SALL4: variants seen among roughly 807,000 people sequenced by gnomAD.
SALL4 encodes spalt like transcription factor 4.
In SALL4, 4 loss-of-function variants were observed where a neutral mutation model predicts 60.8. The ratio of observed to expected loss-of-function variants is 0.07; its 90% CI spans 0.03 to 0.15. The LOEUF (loss-of-function observed/expected upper bound fraction) is 0.15. Among genes scored for constraint, SALL4 ranks in the 10% least tolerant of loss-of-function variants. SALL4 has a pLI of 1.00. For synonymous variants in SALL4, 580 were observed against 574.9 expected, an observed-to-expected ratio of 1.01 and a Z score of -0.13; for missense variants, 1,178 against 1,394.7, an observed-to-expected ratio of 0.84 and a Z score of 2.48.
Position 51,788,805 on chromosome 20 carries a change from A to C in SALL4, c.2742+56T>G. 1.2e-6 allele frequency: 2 copies of C among 1,606,286 alleles called. No homozygotes were observed. Among genetic ancestry groups the C allele is most frequent in the Non-Finnish European group, 8.5e-7 (1 of 1,178,298 alleles). On this transcript the variant is annotated intron_variant, in intron 3 of 3. Transcript: ENST00000217086. This position sits in a 1 kb window ranked among gnomAD's most constrained non-coding sequence, Gnocchi z 4.1. ...GAAGAACTCATCACGGCTTGTGCCA[A>C]TAAGAAGACACCTGGTGCCTAGCCC...
intron 1 of SALL4, chr20:51,792,965 C>T: frequency 2.0e-6 from 2 of 991,860 alleles, no homozygotes; most frequent in Non-Finnish European, 2.4e-6. Flanking sequence ...ATCTCAGACC[C>T]AGCAGCTAAG....
Position 51,790,785 on chromosome 20 carries a change from G to A in SALL4, c.1698C>T (p.Asn566=), listed in dbSNP as rs774733955. The A allele has an allele frequency of 1.7e-5, 27 of 1,614,002 alleles. No individual in the cohort carries two copies. In the East Asian group the frequency reaches 4.9e-4, roughly 29 times the overall value. The change falls in exon 2 of 4, where the codon AAC becomes AAT. Residue 566 remains asparagine, a synonymous_variant. Coordinates refer to ENST00000217086, the MANE Select transcript of SALL4 (RefSeq NM_020436.5). This position sits in a 1 kb window ranked among gnomAD's most constrained non-coding sequence, Gnocchi z 5.5. ...AGACTCGGTGGCAAATGAGACATTC[G>A]TTGGGATCAGTGGTGGCCTTGTCAA... is the stretch of plus-strand genomic sequence containing the variant. ...ENIDKATTDP[N]ECLICHRVLS...
rs1172568837 is a variant in SALL4 at position 51,783,397 on chromosome 20, GT to G, written c.*867del. ...GCAGTTTTATAATTCTACAACCCTAGTTTTTTGTTGTTCCTTTTTTAAGTAC... is the reference window on the plus strand; with the variant it reads ...GCAGTTTTATAATTCTACAACCCTAGTTTTTGTTGTTCCTTTTTTAAGTAC... On this transcript the variant is annotated 3_prime_UTR_variant, in exon 4 of 4. Transcript: ENST00000217086. The G allele has an allele frequency of 2.6e-5, 4 of 151,714 alleles. No homozygotes were observed. The highest frequency in any genetic ancestry group is 5.9e-5 in the Non-Finnish European group (4 of 67,996). 9.4% of individuals were successfully genotyped at this position (151,714 alleles called of 1,614,324 possible).
In SALL4 at chr20:51,784,181, C is replaced by G; in HGVS notation, c.*84G>C. On this transcript the variant is annotated 3_prime_UTR_variant, in exon 4 of 4. Coordinates refer to ENST00000217086, the MANE Select transcript of SALL4 (RefSeq NM_020436.5). ...TTGCATATCAGTAAGAAAAAGAAAA[C>G]AGGAGGAGATGAGTTCTTACAAAAC... 6.6e-7 allele frequency: 1 copy of G among 1,504,326 alleles called. No homozygotes were observed. The allele number at this position is 1,504,326 out of a possible 1,614,324, so 93.2% of individuals were successfully genotyped here. A position where few individuals can be genotyped will look rare whatever the true frequency, so the allele number is the denominator to read the frequency against.
intron 3 of SALL4, among the ~76,000 whole-genome samples, chr20:51,786,911 A>G (rs1026389302): frequency 6.6e-6 from 1 of 152,120 alleles, no homozygotes; most frequent in African/African-American, 2.4e-5. Flanking sequence ...CCTGGCCAAC[A>G]TGGTGAAACC....
intron 3 of SALL4, among the ~76,000 whole-genome samples, chr20:51,785,937 C>T (rs537216919): frequency 6.8e-4 from 101 of 148,850 alleles, no homozygotes; most frequent in African/African-American, 1.6e-3. Context: ...CCACCACGTC[C>T]GGCCTTTTTT....
chr20:51,791,047 A>T lies in SALL4; in HGVS notation c.1436T>A (p.Val479Glu). 1 of 1,614,176 alleles carries T rather than the reference A, an allele frequency of 6.2e-7. No individual in the cohort carries two copies. Among genetic ancestry groups the T allele is most frequent in the Non-Finnish European group, 8.5e-7 (1 of 1,180,018 alleles). ...CTGAGGTAGCCCTACAGAGGTGGTT[A>T]CAAGGACAGGTTTGCTGTCTAAAGA... Reference protein sequence around the residue: ...SLSLDSKPVLVTTSVGLPQNL... With the variant: ...SLSLDSKPVLETTSVGLPQNL... Residue 479 changes from valine (V) to glutamate (E), a missense_variant, in exon 2 of 4, where the codon GTA (valine) becomes GAA (glutamate). By Grantham distance (121) the Val-to-Glu change is moderately radical. Coordinates refer to ENST00000217086, the MANE Select transcript of SALL4 (RefSeq NM_020436.5). This position sits in a 1 kb window ranked among gnomAD's most constrained non-coding sequence, Gnocchi z 4.6.
rs1430069112 is a variant in SALL4 at position 51,784,149 on chromosome 20, A to T, written c.*116T>A. On this transcript the variant is annotated 3_prime_UTR_variant, in exon 4 of 4. Transcript: ENST00000217086. Reference sequence around the variant, plus strand: ...GTTGTGGTCACAACCAACGTAGTAAACATCATTTGCATATCAGTAAGAAAA... The same window carrying T: ...GTTGTGGTCACAACCAACGTAGTAATCATCATTTGCATATCAGTAAGAAAA... The T allele has an allele frequency of 4.1e-6, 5 of 1,231,194 alleles. No homozygotes were observed. The highest frequency in any genetic ancestry group is 1.5e-5 in the African/African-American group (1 of 67,436). 76.3% of individuals were successfully genotyped at this position (1,231,194 alleles called of 1,614,324 possible). A position where few individuals can be genotyped will look rare whatever the true frequency, so the allele number is the denominator to read the frequency against.
chr20:51,784,318 G>T lies in SALL4; in HGVS notation c.3109C>A (p.Pro1037Thr). ...AGGAAGTGAGGAAACTGGTGTTTGGGAACGCCGTCAGTAGCACTTGGTTTT... is the reference window on the plus strand; with the variant it reads ...AGGAAGTGAGGAAACTGGTGTTTGGTAACGCCGTCAGTAGCACTTGGTTTT... ...VEKPSATDGVPKHQFPHFLEE... is the reference protein window; with the variant it reads ...VEKPSATDGVTKHQFPHFLEE... Residue 1037 changes from proline (P) to threonine (T), a missense_variant, in exon 4 of 4, where the codon CCC becomes ACC. Transcript: ENST00000217086. 6.2e-7 allele frequency: 1 copy of T among 1,614,166 alleles called. No homozygotes were observed. Among genetic ancestry groups the T allele is most frequent in the Non-Finnish European group, 8.5e-7 (1 of 1,180,046 alleles).
chr20:51,787,016 A>C (rs1601164909), intron 3 of SALL4, among the ~76,000 whole-genome samples: 1 of 152,080 alleles, frequency 6.6e-6, no homozygotes, highest in African/African-American at 2.4e-5. Context: ...AATCGCTTGA[A>C]CCCAGGAGGC....
At position 51,788,825 on chromosome 20, in the gene SALL4, T is replaced by C; in HGVS notation, c.2742+36A>G. 6.2e-7 allele frequency: 1 copy of C among 1,611,586 alleles called. No individual in the cohort carries two copies. ...TGCCAATAAGAAGACACCTGGTGCC[T>C]AGCCCCCATCCTGCTGAAAGCCCAC... On this transcript the variant is annotated intron_variant, in intron 3 of 3. Transcript: ENST00000217086. This position sits in a 1 kb window ranked among gnomAD's most constrained non-coding sequence, Gnocchi z 4.1.
rs778476720 is a variant in SALL4, at chr20:51,790,443, G to T, written c.2040C>A (p.Gly680=). ...PMTVGENGST[G]AICHDDVIES... ...CGATGACATCATCATGGCAGATAGC[G>T]CCGGTGCTGCCGTTCTCACCCACGG... The change falls in exon 2 of 4, where the codon GGC becomes GGA. Residue 680 remains glycine, a synonymous_variant. Coordinates refer to ENST00000217086, the MANE Select transcript of SALL4 (RefSeq NM_020436.5). The surrounding 1 kb of genome is among the most constrained non-coding windows in gnomAD (Gnocchi z 5.5). 2.6e-5 allele frequency: 42 copies of T among 1,613,934 alleles called. No individual in the cohort carries two copies. In the Admixed American group the frequency reaches 2.7e-4, roughly 10 times the overall value.
At chr20:51,800,938 G>A (rs1455008104) in intron 1 of SALL4, among the ~76,000 whole-genome samples, 1 of 152,170 alleles carries the variant, frequency 6.6e-6, no homozygotes, top group East Asian at 1.9e-4. Flanking sequence ...TTCAGTCTCC[G>A]ACAAAAAGGC....
chr20:51,799,871 A>T (rs995924651), intron 1 of SALL4, among the ~76,000 whole-genome samples: 1 of 152,132 alleles, frequency 6.6e-6, no homozygotes, highest in African/African-American at 2.4e-5. Context: ...CTCCCTCAAA[A>T]ACTGCATTCT....
intron 1 of SALL4, among the ~76,000 whole-genome samples, chr20:51,800,142 T>C (rs558596118): frequency 7.2e-5 from 11 of 152,162 alleles, no homozygotes; most frequent in African/African-American, 2.7e-4. Context: ...ATTCCACACT[T>C]GGCAAAGAAC....
intron 2 of SALL4, 52 bp from the exon 3 acceptor site, chr20:51,789,193 T>C: frequency 6.2e-7 from 1 of 1,601,042 alleles, no homozygotes; most frequent in Non-Finnish European, 8.5e-7. Flanking sequence ...ACCTTCATTC[T>C]TTCTCTTCAA....
At chr20:51,785,832 C>T (rs189842791) in intron 3 of SALL4, among the ~76,000 whole-genome samples, 1,724 of 151,556 alleles carry the variant, frequency 0.011, 16 homozygotes, top group Middle Eastern at 0.034. Flanking sequence ...TTAGTAGAGA[C>T]GGGGTTTCAC....
In SALL4 at chr20:51,790,097, C is replaced by T. The variant is rs886044039; in HGVS notation, c.2386G>A (p.Glu796Lys). ...TCGGGAGACTTTGACTTGATGCTTT[C>T]GGCTTGACTATTGGCCGGGGAGAGT... is the stretch of plus-strand genomic sequence containing the variant. Reference protein sequence around the residue: ...QALSPANSQAESIKSKSPDAG... With the variant: ...QALSPANSQAKSIKSKSPDAG... The change falls in exon 2 of 4, where the codon GAA (glutamate) becomes AAA (lysine). Residue 796 changes from glutamate (E) to lysine (K), a missense_variant. Around this residue, in one of 5 missense-constraint regions of SALL4, gnomAD observed 853 missense variants for 1,036.8 expected, o/e 0.82. Coordinates refer to ENST00000217086, the MANE Select transcript of SALL4 (RefSeq NM_020436.5). This position sits in a 1 kb window ranked among gnomAD's most constrained non-coding sequence, Gnocchi z 5.5. The T allele has an allele frequency of 9.9e-6, 16 of 1,614,060 alleles. No individual in the cohort carries two copies. The highest frequency in any genetic ancestry group is 1.1e-5 in the Non-Finnish European group (13 of 1,180,052).
rs34105550 is a variant in SALL4, at chr20:51,783,724, GAAA to G, written c.*538_*540del. 3 of 137,270 alleles carry G rather than the reference GAAA, an allele frequency of 2.2e-5. No individual in the cohort carries two copies. The highest frequency in any genetic ancestry group is 2.2e-4 in the South Asian group (1 of 4,464). 8.5% of individuals were successfully genotyped at this position (137,270 alleles called of 1,614,324 possible). A position where few individuals can be genotyped will look rare whatever the true frequency, so the allele number is the denominator to read the frequency against. ...CAAGACCCGCTTCTTTCCAAAATTA[GAAA>G]AAAAAAAAAAAAGTGCCAGGCGTGG... On this transcript the variant is annotated 3_prime_UTR_variant, in exon 4 of 4. Coordinates refer to ENST00000217086, the MANE Select transcript of SALL4 (RefSeq NM_020436.5).
Sources: gnomAD v4.1 joint callset for allele counts (sites outside exome capture counted in the v4.1 genomes callset) on GRCh38, gnomAD v4.1.1 for gene constraint, gnomAD v4.1.1 regional missense constraint, Gnocchi (gnomAD v3.1) non-coding constraint, MANE v1.5 for transcripts, NCBI Gene and HGNC (gene_info 2026-07-23, HGNC 2026-07-21) for gene names.